Variants in LDHAL6A observed in about 807,000 individuals in gnomAD.
LDHAL6A encodes the protein L-lactate dehydrogenase A-like 6A.
LDHAL6A carries 19 observed loss-of-function variants against 28.2 expected under a neutral mutation model. That is an observed-to-expected ratio of 0.67 (90% CI 0.47 to 0.99). The LOEUF is 0.99. LDHAL6A is among the 50% of genes least tolerant of loss of function. The pLI is 0.00. For missense variants in LDHAL6A, 372 were observed against 398.6 expected (o/e 0.93, Z 0.57); for synonymous variants, 144 against 134.4 (o/e 1.07, Z -0.49).
rs777342388 is a variant in LDHAL6A at position 18,456,724 on chromosome 11, AG to A, written c.46del (p.Glu16ArgfsTer11). 3.8e-5 allele frequency: 61 copies of A among 1,613,826 alleles called. No homozygotes were observed. The East Asian group carries it at 1.3e-3, about 35-fold the overall frequency. Reference protein sequence around the residue: ...KSELIKNFAEEEAIHHNKISI... With the variant: ...KSELIKNFAEXEAIHHNKISI... Reference sequence around the variant, plus strand: ...GAACTTATTAAGAATTTCGCGGAAGAGGAGGCCATTCATCACAATAAGATCT... The same window carrying A: ...GAACTTATTAAGAATTTCGCGGAAGAGAGGCCATTCATCACAATAAGATCT... On this transcript the variant is annotated frameshift_variant, in exon 1 of 7. Coordinates refer to ENST00000280706, the MANE Select transcript of LDHAL6A (RefSeq NM_144972.5). LOFTEE classifies it high-confidence loss of function.
chr11:18,464,977 G>GTTTTTTTTTTTTTTTTTTT lies in LDHAL6A; in HGVS notation c.245-651_245-650insTTTTTTTTTTTTTTTTTTT, dbSNP rs67628824. Among the ~76,000 whole-genome samples, 244 of 125,380 alleles carry GTTTTTTTTTTTTTTTTTTT rather than the reference G, an allele frequency of 1.9e-3. 21 individuals are homozygous for GTTTTTTTTTTTTTTTTTTT. Among genetic ancestry groups the GTTTTTTTTTTTTTTTTTTT allele is most frequent in the Middle Eastern group, 4.3e-3 (1 of 234 alleles). The allele number at this position is 125,380 out of a possible 152,430, so 82.3% of individuals were successfully genotyped here. Reference sequence around the variant, plus strand: ...TTTTAGGAGGTGAGGTGTTTTTTTTGTTTTTTTTTGTTTTGTTTTGTTTTG... The same window carrying GTTTTTTTTTTTTTTTTTTT: ...TTTTAGGAGGTGAGGTGTTTTTTTTGTTTTTTTTTTTTTTTTTTTTTTTTTTTTGTTTTGTTTTGTTTTG... On this transcript the variant is annotated intron_variant, in intron 2 of 6. Transcript: ENST00000280706.
At chr11:18,464,857 C>T (rs1849006793) in intron 2 of LDHAL6A, among the ~76,000 whole-genome samples, 1 of 152,076 alleles carries the variant, frequency 6.6e-6, no homozygotes, top group Non-Finnish European at 1.5e-5. Flanking sequence ...CAACAATTTG[C>T]TATTCAAAGG....
At chr11:18,460,461 C>A (rs558193448) in intron 1 of LDHAL6A, among the ~76,000 whole-genome samples, 1 of 151,760 alleles carries the variant, frequency 6.6e-6, no homozygotes, top group African/African-American at 2.4e-5. Flanking sequence ...GGCACGGTGG[C>A]ATGCATCTGT....
chr11:18,476,777 T>C, intron 5 of LDHAL6A: 1 of 190,316 alleles, frequency 5.3e-6, no homozygotes, highest in Non-Finnish European at 9.7e-6. Flanking sequence ...ACTTGCTATA[T>C]AGTGTTTATT....
chr11:18,470,717 T>G (rs1023345828), intron 3 of LDHAL6A, among the ~76,000 whole-genome samples: 31 of 151,954 alleles, frequency 2.0e-4, no homozygotes, highest in African/African-American at 6.5e-4. Flanking sequence ...GATGGAGTCT[T>G]GGTCTGTTGC....
chr11:18,475,938 A>G (rs1390906390), intron 4 of LDHAL6A, among the ~76,000 whole-genome samples: 1 of 152,200 alleles, frequency 6.6e-6, no homozygotes, highest in African/African-American at 2.4e-5. Context: ...ACTCTAGTTC[A>G]GAAAGGTCAG....
Position 18,456,543 on chromosome 11 carries a change from GTC to G in LDHAL6A, c.-136_-135del. On this transcript the variant is annotated 5_prime_UTR_variant, in exon 1 of 7. An upstream open reading frame in the 5' UTR loses its in-frame stop. Transcript: ENST00000280706. ...GGTCAGATTTGTCGGTCTTTTGTGT[GTC>G]TGCAGCACCTCCTTCCACACGGGCC... 1.4e-6 allele frequency: 1 copy of G among 712,538 alleles called. No individual in the cohort carries two copies. Among genetic ancestry groups the G allele is most frequent in the Non-Finnish European group, 2.3e-6 (1 of 428,102 alleles). 44.1% of individuals were successfully genotyped at this position (712,538 alleles called of 1,614,324 possible).
intron 3 of LDHAL6A, among the ~76,000 whole-genome samples, chr11:18,466,772 G>C (rs1378265813): frequency 6.6e-6 from 1 of 152,014 alleles, no homozygotes; most frequent in African/African-American, 2.4e-5. Flanking sequence ...AGAAGTGAAA[G>C]TAGGGCTATA....
chr11:18,467,914 TATATACAC>T lies in LDHAL6A; in HGVS notation c.418+2106_418+2113del, dbSNP rs1465691178. ...ATATATATATATATATATATATATA[TATATACAC>T]ACACATATATATATACACACACATA... is the stretch of plus-strand genomic sequence containing the variant. On this transcript the variant is annotated intron_variant, in intron 3 of 6. Transcript: ENST00000280706. Among the ~76,000 whole-genome samples the T allele has an allele frequency of 1.9e-3, 123 of 63,874 alleles. 5 individuals carry two copies. Among genetic ancestry groups the T allele is most frequent in the African/African-American group, 6.8e-3 (86 of 12,692 alleles). 41.9% of individuals were successfully genotyped at this position (63,874 alleles called of 152,430 possible). A position where few individuals can be genotyped will look rare whatever the true frequency, so the allele number is the denominator to read the frequency against.
Position 18,475,575 on chromosome 11 carries a change from A to G in LDHAL6A, c.528A>G (p.Gln176=). The part of the protein sequence containing the change: ...DSARFRYFIG[Q]RLGIHSESCH... Reference sequence around the variant, plus strand: ...CTCGTTTTCGTTACTTTATTGGGCAAAGGCTTGGCATCCACTCTGAAAGCT... The same window carrying G: ...CTCGTTTTCGTTACTTTATTGGGCAGAGGCTTGGCATCCACTCTGAAAGCT... The change falls in exon 4 of 7, where the codon CAA becomes CAG. Residue 176 remains glutamine (Q), a synonymous_variant. Coordinates refer to ENST00000280706, the MANE Select transcript of LDHAL6A (RefSeq NM_144972.5). 6.2e-7 allele frequency: 1 copy of G among 1,614,114 alleles called. No individual in the cohort carries two copies. The highest frequency in any genetic ancestry group is 8.5e-7 in the Non-Finnish European group (1 of 1,180,018).
Position 18,477,731 on chromosome 11 carries a change from T to C in LDHAL6A, c.822T>C (p.Ser274=), listed in dbSNP as rs375209572. The change falls in exon 6 of 7, where the codon TCT becomes TCC. Residue 274 remains serine, a synonymous_variant. Coordinates refer to ENST00000280706, the MANE Select transcript of LDHAL6A (RefSeq NM_144972.5). Reference sequence around the variant, plus strand: ...ATCTTAGGAGAGTGCATCCAGTTTCTACCCTAAGTAAGGTAGGACATTCAT... The same window carrying C: ...ATCTTAGGAGAGTGCATCCAGTTTCCACCCTAAGTAAGGTAGGACATTCAT... ...LKNLRRVHPV[S]TLSKGLYGIN... 4.4e-6 allele frequency: 7 copies of C among 1,606,522 alleles called. No individual in the cohort carries two copies. Among genetic ancestry groups the C allele is most frequent in the Non-Finnish European group, 5.9e-6 (7 of 1,177,802 alleles).
intron 3 of LDHAL6A, among the ~76,000 whole-genome samples, chr11:18,471,466 T>A (rs945265696): frequency 7.2e-5 from 11 of 151,854 alleles, no homozygotes; most frequent in Non-Finnish European, 1.5e-4. Context: ...CACCTTGACC[T>A]CCCGAAGTGC....
intron 1 of LDHAL6A, among the ~76,000 whole-genome samples, chr11:18,461,068 C>T (rs1219411688): frequency 6.6e-6 from 1 of 151,788 alleles, no homozygotes; most frequent in African/African-American, 2.4e-5. Context: ...GAACTCCTGA[C>T]CCCAGGTGAT....
intron 1 of LDHAL6A, among the ~76,000 whole-genome samples, chr11:18,458,451 C>T (rs986019975): frequency 1.3e-5 from 2 of 152,198 alleles, no homozygotes; most frequent in African/African-American, 2.4e-5. Flanking sequence ...TCCCAGTCAC[C>T]TCCTGCTTCT....
chr11:18,467,900 T>TATATATATATACACACACAC (rs1849119091), intron 3 of LDHAL6A, among the ~76,000 whole-genome samples: 3 of 68,972 alleles, frequency 4.3e-5, no homozygotes, highest in African/African-American at 2.5e-4. Context: ...TATATATATA[T>TATATATATATACACACACAC]ATATATATAT....
rs780572717 is a variant in LDHAL6A at position 18,463,996 on chromosome 11, T to C, written c.162T>C (p.Asp54=). Reference sequence around the variant, plus strand: ...ATGAACTTGTCCTTGTGGATGTTGATGAAGGCAAACTGAAGGGTGAGACAA... The same window carrying C: ...ATGAACTTGTCCTTGTGGATGTTGACGAAGGCAAACTGAAGGGTGAGACAA... ...LSDELVLVDV[D]EGKLKGETMD... is the part of the protein sequence containing the mutation. The change falls in exon 2 of 7, where the codon GAT becomes GAC. Residue 54 remains aspartate, a synonymous_variant. Coordinates refer to ENST00000280706, the MANE Select transcript of LDHAL6A (RefSeq NM_144972.5). The C allele has an allele frequency of 2.2e-5, 35 of 1,613,860 alleles. No homozygotes were observed. The highest frequency in any genetic ancestry group is 6.7e-5 in the East Asian group (3 of 44,874).
chr11:18,471,907 G>C (rs1302511953), intron 3 of LDHAL6A, among the ~76,000 whole-genome samples: 1 of 145,918 alleles, frequency 6.9e-6, no homozygotes, highest in East Asian at 2.0e-4. Context: ...CTATTTACAT[G>C]AACTAAATGA....
intron 3 of LDHAL6A, 88 bp downstream of exon 3, chr11:18,465,898 G>A (rs1590251744): frequency 2.7e-6 from 3 of 1,094,924 alleles, no homozygotes; most frequent in South Asian, 3.1e-5. Flanking sequence ...GTGATGCTGA[G>A]GTTTGGGGTA....
rs1848987628 is a variant in LDHAL6A at position 18,464,026 on chromosome 11, T to A, written c.192T>A (p.Asp64Glu). The change falls in exon 2 of 7, where the codon GAT becomes GAA. Residue 64 changes from aspartate to glutamate, a missense_variant. Around this residue, in one of 3 missense-constraint regions of LDHAL6A, gnomAD observed 77 missense variants for 77.9 expected, o/e 0.99. Coordinates refer to ENST00000280706, the MANE Select transcript of LDHAL6A (RefSeq NM_144972.5). ...GCAAACTGAAGGGTGAGACAATGGA[T>A]CTTCAACATGGCAGCCCTTTTATGA... is the stretch of plus-strand genomic sequence containing the variant. ...DEGKLKGETMDLQHGSPFMKM... is the reference protein window; with the variant it reads ...DEGKLKGETMELQHGSPFMKM... 2 of 1,613,964 alleles carry A rather than the reference T, an allele frequency of 1.2e-6. No individual in the cohort carries two copies. The highest frequency in any genetic ancestry group is 1.3e-5 in the African/African-American group (1 of 74,948).
Sources: gnomAD v4.1 joint callset for allele counts (sites outside exome capture counted in the v4.1 genomes callset) on GRCh38, gnomAD v4.1.1 for gene constraint, gnomAD v4.1.1 regional missense constraint, MANE v1.5 for transcripts, NCBI Gene and HGNC (gene_info 2026-07-23, HGNC 2026-07-21) for gene names.